The following ADCY8 variants were observed in gnomAD, a reference collection of about 807,000 sequenced individuals.
The protein encoded by ADCY8 is adenylate cyclase type 8.
A neutral mutation model predicts 119.7 loss-of-function variants in ADCY8; 51 were observed. That is an observed-to-expected ratio of 0.43 (90% confidence interval 0.34 to 0.54). The LOEUF is 0.54. Among genes scored for constraint, ADCY8 ranks in the 20% least tolerant of loss-of-function variants. The pLI, the probability that ADCY8 is intolerant of heterozygous loss-of-function variation, is 0.03. For missense variants in ADCY8, 1,383 were observed against 1,598.8 expected, an observed-to-expected ratio of 0.87 and a Z score of 2.30; for synonymous variants, 665 against 651.0, an observed-to-expected ratio of 1.02 and a Z score of -0.33.
intron 11 of ADCY8, among the ~76,000 whole-genome samples, chr8:130,846,785 CTTCCTTCT>C (rs1249388625): frequency 2.0e-3 from 252 of 127,602 alleles, no homozygotes; most frequent in South Asian, 3.7e-3. Context: ...CTTCTCCTTC[CTTCCTTCT>C]CCTTCCTTCC....
chr8:130,981,476 G>T (rs1043876572), intron 2 of ADCY8, among the ~76,000 whole-genome samples: 2 of 152,168 alleles, frequency 1.3e-5, no homozygotes, highest in African/African-American at 4.8e-5. Flanking sequence ...GGCTATATTA[G>T]GTTTCCAATT....
intron 12 of ADCY8, among the ~76,000 whole-genome samples, chr8:130,830,574 T>A (rs1006234312): frequency 7.9e-5 from 12 of 152,268 alleles, no homozygotes; most frequent in Admixed American, 7.8e-4. Flanking sequence ...CTATTAAATC[T>A]CCACTCCTAC....
intron 1 of ADCY8, among the ~76,000 whole-genome samples, chr8:131,004,085 G>T (rs913656732): frequency 6.6e-6 from 1 of 152,128 alleles, no homozygotes; most frequent in South Asian, 2.1e-4. Context: ...CACAGTTATC[G>T]GGAAAGGGTG....
intron 12 of ADCY8, among the ~76,000 whole-genome samples, chr8:130,822,539 C>T (rs536040733): frequency 5.1e-5 from 1 of 19,588 alleles, no homozygotes; most frequent in Non-Finnish European, 1.5e-4. Context: ...TCCATGAATC[C>T]ATCCATCCAT....
At chr8:130,869,673 A>G (rs2130399111) in intron 8 of ADCY8, among the ~76,000 whole-genome samples, 1 of 151,034 alleles carries the variant, frequency 6.6e-6, no homozygotes, top group South Asian at 2.1e-4. Flanking sequence ...GCCTGCCACC[A>G]CGCCTGGCTA....
chr8:130,821,242 G>A lies in ADCY8; in HGVS notation c.2754+100C>T, dbSNP rs1417001810. 4 of 917,444 alleles carry A rather than the reference G, an allele frequency of 4.4e-6. No individual in the cohort carries two copies. The Admixed American group carries it at 9.1e-5, about 21-fold the overall frequency. The allele number at this position is 917,444 out of a possible 1,614,324, so 56.8% of individuals were successfully genotyped here. A position where few individuals can be genotyped will look rare whatever the true frequency, so the allele number is the denominator to read the frequency against. Reference sequence around the variant, plus strand: ...TCTTTAAGAACCACAACTTGCCACAGGCAGCTAAAAGTTATTTGCTGCAAA... The same window carrying A: ...TCTTTAAGAACCACAACTTGCCACAAGCAGCTAAAAGTTATTTGCTGCAAA... On this transcript the variant is annotated intron_variant, in intron 13 of 17. Coordinates refer to ENST00000286355, the MANE Select transcript of ADCY8 (RefSeq NM_001115.3).
chr8:130,938,115 G>A (rs547687958), intron 4 of ADCY8, among the ~76,000 whole-genome samples: 8 of 152,188 alleles, frequency 5.3e-5, no homozygotes, highest in Non-Finnish European at 1.2e-4. Flanking sequence ...ACTGGTTTAC[G>A]AGTCACACTG....
At chr8:130,942,733 C>A (rs1455318426) in intron 4 of ADCY8, among the ~76,000 whole-genome samples, 8 of 152,192 alleles carry the variant, frequency 5.3e-5, no homozygotes, top group African/African-American at 1.4e-4. Flanking sequence ...CTCTGAAGTA[C>A]AGCGTGATAA....
chr8:131,017,072 A>AT lies in ADCY8; in HGVS notation c.960+22301dup, dbSNP rs111610879. On this transcript the variant is annotated intron_variant, in intron 1 of 17. Transcript: ENST00000286355. ...TGGAATGTCCATTGGAATGTACATGATTTTTTTTTTTTTTTGAGATGGAGT... is the reference window on the plus strand; with the variant it reads ...TGGAATGTCCATTGGAATGTACATGATTTTTTTTTTTTTTTTGAGATGGAGT... Among the ~76,000 whole-genome samples, 1,255 of 141,764 alleles carry AT rather than the reference A, an allele frequency of 8.9e-3. 16 individuals are homozygous for AT. Among genetic ancestry groups the AT allele is most frequent in the African/African-American group, 0.025 (967 of 38,732 alleles). 93.0% of individuals were successfully genotyped at this position (141,764 alleles called of 152,430 possible).
chr8:130,818,100 G>A (rs1295254067), intron 13 of ADCY8, among the ~76,000 whole-genome samples: 1 of 152,150 alleles, frequency 6.6e-6, no homozygotes, highest in African/African-American at 2.4e-5. Flanking sequence ...AAGGACAGGG[G>A]AATTTCTTAA....
At chr8:130,915,930 C>T (rs948362098) in intron 5 of ADCY8, among the ~76,000 whole-genome samples, 4 of 152,086 alleles carry the variant, frequency 2.6e-5, no homozygotes, top group African/African-American at 7.2e-5. Flanking sequence ...CTGGAAAAAA[C>T]GGTGCCCTTG....
chr8:130,894,096 T>C (rs1390338126), intron 7 of ADCY8, among the ~76,000 whole-genome samples: 6 of 152,178 alleles, frequency 3.9e-5, no homozygotes, highest in Admixed American at 2.6e-4. Flanking sequence ...ACCACTCTTA[T>C]ACAATTTACT....
At chr8:131,015,674 C>G (rs1356882723) in intron 1 of ADCY8, among the ~76,000 whole-genome samples, 2 of 152,024 alleles carry the variant, frequency 1.3e-5, no homozygotes, top group Non-Finnish European at 2.9e-5. Context: ...TTATTTTTCT[C>G]CTTGGTATCT....
At chr8:130,936,836 G>T (rs544692659) in intron 5 of ADCY8, among the ~76,000 whole-genome samples, 5 of 152,262 alleles carry the variant, frequency 3.3e-5, no homozygotes, top group Non-Finnish European at 7.3e-5. Context: ...CTCCACAAGG[G>T]CATTTGTAAT....
At chr8:130,795,217 C>G (rs1815542204) in intron 15 of ADCY8, among the ~76,000 whole-genome samples, 1 of 152,214 alleles carries the variant, frequency 6.6e-6, no homozygotes, top group Non-Finnish European at 1.5e-5. Flanking sequence ...GCACTTTGAG[C>G]TTAGTATTCA....
intron 15 of ADCY8, among the ~76,000 whole-genome samples, chr8:130,794,033 G>A (rs1815502707): frequency 6.6e-6 from 1 of 152,116 alleles, no homozygotes; most frequent in Non-Finnish European, 1.5e-5. Flanking sequence ...AGAGGAGAGG[G>A]CACAGAGACA....
chr8:131,001,252 C>T (rs989883268), intron 1 of ADCY8, among the ~76,000 whole-genome samples: 13 of 152,182 alleles, frequency 8.5e-5, no homozygotes, highest in Admixed American at 2.0e-4. Context: ...GGAGATTAGA[C>T]GCTCTCCACA....
chr8:130,870,391 C>G (rs1248867172), intron 8 of ADCY8, among the ~76,000 whole-genome samples: 1 of 152,146 alleles, frequency 6.6e-6, no homozygotes, highest in African/African-American at 2.4e-5. Flanking sequence ...ATCACAGCAT[C>G]CTGGAGCTGT....
At chr8:131,001,617 T>A (rs2130763320) in intron 1 of ADCY8, among the ~76,000 whole-genome samples, 1 of 148,274 alleles carries the variant, frequency 6.7e-6, no homozygotes, top group South Asian at 2.1e-4. Context: ...TACAAATATT[T>A]TATATATATA....
Sources: allele counts gnomAD v4.1 joint callset (sites outside exome capture counted in the v4.1 genomes callset), GRCh38; gene constraint gnomAD v4.1.1; transcripts MANE v1.5; gene names NCBI Gene and HGNC (gene_info 2026-07-23, HGNC 2026-07-21).